Variants in LGMN observed in about 807,000 individuals in gnomAD.
LGMN encodes legumain, also known as asparaginyl endopeptidase.
Under a neutral mutation model 56.8 loss-of-function variants are expected in LGMN, and 36 were observed. The ratio of observed to expected loss-of-function variants is 0.63; its 90% CI spans 0.49 to 0.84. The LOEUF (loss-of-function observed/expected upper bound fraction) is 0.84. LGMN is among the 40% of genes least tolerant of loss of function. The pLI is 0.00. For synonymous variants in LGMN, 199 were observed against 210.1 expected (o/e 0.95, Z 0.46); for missense variants, 446 against 556.1 (o/e 0.80, Z 1.99).
At chr14:92,748,430 G>C (rs568900807) in intron 1 of LGMN, 59 bp downstream of exon 1, 1 of 153,436 alleles carries the variant, frequency 6.5e-6, no homozygotes, top group East Asian at 1.9e-4. Flanking sequence ...GAGCAGACGG[G>C]AGGCCCTGGC....
intron 1 of LGMN, among the ~76,000 whole-genome samples, chr14:92,744,664 T>C (rs1176329821): frequency 6.6e-6 from 1 of 151,560 alleles, no homozygotes; most frequent in Non-Finnish European, 1.5e-5. Context: ...GGCACGATCT[T>C]GGCTCACCAC....
At position 92,748,612 on chromosome 14, in the gene LGMN, C is replaced by G. The variant is rs1891920275; in HGVS notation, c.-153G>C. On this transcript the variant is annotated 5_prime_UTR_variant, in exon 1 of 14. Transcript: ENST00000334869. ...GCCTCACACCAAACACCCACGACGTCGGCACTGCTGTGATTGCTGCGGGCG... is the reference window on the plus strand; with the variant it reads ...GCCTCACACCAAACACCCACGACGTGGGCACTGCTGTGATTGCTGCGGGCG... The G allele has an allele frequency of 6.5e-6, 1 of 153,168 alleles. No homozygotes were observed. Among genetic ancestry groups the G allele is most frequent in the African/African-American group, 2.4e-5 (1 of 41,450 alleles). The allele number at this position is 153,168 out of a possible 1,614,324, so 9.5% of individuals were successfully genotyped here. A position where few individuals can be genotyped will look rare whatever the true frequency, so the allele number is the denominator to read the frequency against.
intron 1 of LGMN, among the ~76,000 whole-genome samples, chr14:92,745,537 T>C (rs1891777648): frequency 6.6e-6 from 1 of 152,206 alleles, no homozygotes. Context: ...TGCAAAGTTA[T>C]CACTATCCTA....
At chr14:92,722,833 A>G (rs1290407269) in intron 2 of LGMN, among the ~76,000 whole-genome samples, 1 of 152,240 alleles carries the variant, frequency 6.6e-6, no homozygotes, top group African/African-American at 2.4e-5. Context: ...TAGTCAGCAC[A>G]TGAAAAGATG....
At chr14:92,705,268 G>A (rs765226042) in intron 12 of LGMN, among the ~76,000 whole-genome samples, 5 of 152,150 alleles carry the variant, frequency 3.3e-5, no homozygotes, top group Non-Finnish European at 5.9e-5. Flanking sequence ...GTGGGAGGCC[G>A]AGGCAGGTGG....
intron 1 of LGMN, among the ~76,000 whole-genome samples, chr14:92,740,527 C>T (rs975466143): frequency 2.0e-5 from 3 of 152,210 alleles, no homozygotes; most frequent in African/African-American, 7.2e-5. Flanking sequence ...CACTACATCA[C>T]CTGCTTGTCA....
At chr14:92,745,281 C>A (rs1353416858) in intron 1 of LGMN, among the ~76,000 whole-genome samples, 1 of 152,204 alleles carries the variant, frequency 6.6e-6, no homozygotes, top group African/African-American at 2.4e-5. Flanking sequence ...CAGTTTGCAG[C>A]CTTTTCCCAA....
intron 2 of LGMN, among the ~76,000 whole-genome samples, chr14:92,726,696 C>T (rs1262007443): frequency 6.6e-5 from 10 of 152,140 alleles, no homozygotes; most frequent in Admixed American, 5.9e-4. Context: ...CCTACCTTGC[C>T]GGTCTCCTTC....
rs377163375 is a variant in LGMN at position 92,711,640 on chromosome 14, C to A, written c.819+19G>T. On this transcript the variant is annotated intron_variant, in intron 10 of 13. Transcript: ENST00000334869. ...GGACACAAGGAACAGAGGGCCAGCA[C>A]GCGAGGCTCCCGACTCACTTTGTTT... 135 of 1,609,234 alleles carry A rather than the reference C, an allele frequency of 8.4e-5. No homozygotes were observed. In the African/African-American group the frequency reaches 1.7e-3, roughly 20 times the overall value.
chr14:92,706,348 T>C, intron 12 of LGMN, 135 bp downstream of exon 12: 1 of 690,686 alleles, frequency 1.4e-6, no homozygotes, highest in Non-Finnish European at 2.2e-6. Context: ...ACAACCTTCT[T>C]CCTCTCTGAA....
intron 5 of LGMN, among the ~76,000 whole-genome samples, chr14:92,715,123 C>T (rs535863398): frequency 1.2e-3 from 188 of 151,854 alleles, no homozygotes; most frequent in African/African-American, 4.3e-3. Flanking sequence ...CTCAGCCTCC[C>T]GAGTAGCTGG....
In LGMN at chr14:92,748,254, G is replaced by A. The variant is rs1274174216; in HGVS notation, c.-30+235C>T. 3.3e-5 allele frequency among the ~76,000 whole-genome samples: 5 copies of A among 152,018 alleles called. No homozygotes were observed. The East Asian group carries it at 7.7e-4, about 23-fold the overall frequency. On this transcript the variant is annotated intron_variant, in intron 1 of 13. Coordinates refer to ENST00000334869, the MANE Select transcript of LGMN (RefSeq NM_005606.7). The stretch of plus-strand genomic sequence containing the variant: ...GCCCTTCCAGCCACAACACGCGTGA[G>A]AAACGAGAAACCTCCACCCCCAGCC...
intron 2 of LGMN, among the ~76,000 whole-genome samples, chr14:92,726,936 C>T (rs1007822906): frequency 2.0e-5 from 3 of 152,284 alleles, no homozygotes; most frequent in South Asian, 2.1e-4. Flanking sequence ...CAGGAAGACT[C>T]GGGACAAAGT....
intron 1 of LGMN, among the ~76,000 whole-genome samples, chr14:92,735,425 T>A (rs1369293466): frequency 6.6e-6 from 1 of 152,142 alleles, no homozygotes; most frequent in Non-Finnish European, 1.5e-5. Context: ...CAGGCTGGTC[T>A]CAAACGCCTG....
chr14:92,731,881 C>A (rs1891062883), intron 2 of LGMN, among the ~76,000 whole-genome samples: 1 of 152,214 alleles, frequency 6.6e-6, no homozygotes, highest in Non-Finnish European at 1.5e-5. Flanking sequence ...AGACTCTTTC[C>A]CAAGGTGGTT....
chr14:92,719,167 A>AACACCG (rs1890239508), intron 2 of LGMN, among the ~76,000 whole-genome samples: 2 of 90,988 alleles, frequency 2.2e-5, no homozygotes, highest in African/African-American at 1.0e-4. Context: ...TGCCACCACC[A>AACACCG]CCACCACCAC....
At chr14:92,716,878 T>A (rs1237065808) in intron 4 of LGMN, among the ~76,000 whole-genome samples, 1 of 152,152 alleles carries the variant, frequency 6.6e-6, no homozygotes, top group East Asian at 1.9e-4. Context: ...TAAAAATGTG[T>A]CAATTGAGAC....
At chr14:92,735,302 G>T (rs1891250175) in intron 1 of LGMN, among the ~76,000 whole-genome samples, 1 of 152,074 alleles carries the variant, frequency 6.6e-6, no homozygotes, top group Admixed American at 6.6e-5. Context: ...CGCCTCCCAG[G>T]TTCAAGCGAT....
chr14:92,708,855 T>TAAAAAAAAAAAA (rs1889578533), intron 11 of LGMN, among the ~76,000 whole-genome samples: 2 of 25,926 alleles, frequency 7.7e-5, no homozygotes, highest in Non-Finnish European at 1.5e-4. Context: ...GACTCTTGTC[T>TAAAAAAAAAAAA]CAAAAAAAAA....
Sources: gnomAD v4.1 joint callset for allele counts (sites outside exome capture counted in the v4.1 genomes callset) on GRCh38, gnomAD v4.1.1 for gene constraint, MANE v1.5 for transcripts, NCBI Gene and HGNC (gene_info 2026-07-23, HGNC 2026-07-21) for gene names.